Variants in ADK observed in about 807,000 individuals in gnomAD.
The protein encoded by ADK is N6,N6-dimethyladenosine kinase.
A neutral mutation model predicts 44.7 loss-of-function variants in ADK; 24 were observed. That is an observed-to-expected ratio of 0.54 (90% CI 0.39 to 0.76). The LOEUF is 0.76. ADK is among the 30% of genes least tolerant of loss of function. ADK has a pLI of 0.00. For synonymous variants in ADK, 128 were observed against 142.6 expected, an observed-to-expected ratio of 0.90 and a Z score of 0.73; for missense variants, 321 against 425.1, an observed-to-expected ratio of 0.76 and a Z score of 2.15.
At chr10:74,208,243 C>G (rs1194560459) in intron 2 of ADK, among the ~76,000 whole-genome samples, 1 of 152,262 alleles carries the variant, frequency 6.6e-6, no homozygotes, top group African/African-American at 2.4e-5. Flanking sequence ...TGCAGCTGCA[C>G]TCAGGAGGGT....
chr10:74,528,149 A>T lies in ADK; in HGVS notation c.726+2723A>T, dbSNP rs192292281. 1.4e-4 allele frequency: 144 copies of T among 1,033,498 alleles called. No individual in the cohort carries two copies. In the African/African-American group the frequency reaches 2.2e-3, roughly 16 times the overall value. 64.0% of individuals were successfully genotyped at this position (1,033,498 alleles called of 1,614,324 possible). On this transcript the variant is annotated intron_variant, in intron 7 of 10. Transcript: ENST00000539909. ...TGATCGAACAAACCTGAAAGTATAG[A>T]TCAGAAGTTTCACTTGTTTCTCAGT...
intron 7 of ADK, among the ~76,000 whole-genome samples, chr10:74,573,562 C>A (rs1308667539): frequency 6.6e-6 from 1 of 152,200 alleles, no homozygotes; most frequent in Non-Finnish European, 1.5e-5. Context: ...TTTAAGTCTG[C>A]AGAGGTTACT....
intron 6 of ADK, among the ~76,000 whole-genome samples, chr10:74,458,299 GTTTTTTT>G (rs376118678): frequency 2.7e-4 from 21 of 79,052 alleles, no homozygotes; most frequent in Non-Finnish European, 4.8e-4. Context: ...CCCAGGTTTT[GTTTTTTT>G]TTTTTTTTTT....
intron 6 of ADK, among the ~76,000 whole-genome samples, chr10:74,410,546 G>A (rs1031858391): frequency 5.9e-5 from 9 of 152,052 alleles, no homozygotes; most frequent in African/African-American, 1.9e-4. Context: ...GCCAATCATG[G>A]TGGTGCATTC....
chr10:74,653,176 G>A (rs1854334951), intron 9 of ADK, among the ~76,000 whole-genome samples: 1 of 152,170 alleles, frequency 6.6e-6, no homozygotes, highest in Non-Finnish European at 1.5e-5. Context: ...CGAGGGCTGA[G>A]TGCGGTGGCT....
intron 1 of ADK, among the ~76,000 whole-genome samples, chr10:74,180,705 G>T (rs978868214): frequency 6.6e-6 from 1 of 152,050 alleles, no homozygotes; most frequent in Non-Finnish European, 1.5e-5. Context: ...TGATCTGCCC[G>T]CCTCAGCCTC....
At chr10:74,475,786 G>A (rs1846812874) in intron 6 of ADK, among the ~76,000 whole-genome samples, 1 of 138,262 alleles carries the variant, frequency 7.2e-6, no homozygotes, top group African/African-American at 2.6e-5. Flanking sequence ...GGGAGAAAGA[G>A]AAAGAAAAGA....
chr10:74,453,946 G>A lies in ADK; in HGVS notation c.555+55367G>A, dbSNP rs542468296. Among the ~76,000 whole-genome samples, 172 of 152,234 alleles carry A rather than the reference G, an allele frequency of 1.1e-3. 3 individuals carry two copies. In the South Asian group the frequency reaches 0.035, roughly 31 times the overall value. On this transcript the variant is annotated intron_variant, in intron 6 of 10. Transcript: ENST00000539909. ...CACATAGTGTAAACTTTGTGTATAT[G>A]AGACAGAACTTTTTCTAAATTGCAG... is the stretch of plus-strand genomic sequence containing the variant.
At chr10:74,383,432 C>T (rs1592132475) in intron 4 of ADK, among the ~76,000 whole-genome samples, 1 of 147,680 alleles carries the variant, frequency 6.8e-6, no homozygotes, top group South Asian at 2.3e-4. Flanking sequence ...CTCTCTTTCT[C>T]GGCCTCTCTG....
chr10:74,699,374 G>A (rs1856332044), intron 10 of ADK, among the ~76,000 whole-genome samples: 1 of 151,730 alleles, frequency 6.6e-6, no homozygotes, highest in East Asian at 1.9e-4. Context: ...TAAAATGCAG[G>A]GAACTTTTAA....
intron 7 of ADK, among the ~76,000 whole-genome samples, chr10:74,555,459 A>G (rs1460126757): frequency 1.3e-5 from 2 of 152,024 alleles, no homozygotes; most frequent in East Asian, 1.9e-4. Context: ...TAAGATTTCT[A>G]TCCTGGCCAG....
chr10:74,476,056 T>C (rs1846825165), intron 6 of ADK, among the ~76,000 whole-genome samples: 1 of 152,202 alleles, frequency 6.6e-6, no homozygotes, highest in East Asian at 1.9e-4. Context: ...TGGTATCTCT[T>C]ACTCTAATTC....
At chr10:74,544,483 T>C (rs1849755418) in intron 7 of ADK, among the ~76,000 whole-genome samples, 1 of 152,216 alleles carries the variant, frequency 6.6e-6, no homozygotes, top group Admixed American at 6.5e-5. Flanking sequence ...AGATTACTAT[T>C]TATAGAAACT....
At chr10:74,523,285 A>AC (rs1415699661) in intron 6 of ADK, among the ~76,000 whole-genome samples, 2 of 152,072 alleles carry the variant, frequency 1.3e-5, no homozygotes, top group African/African-American at 2.4e-5. Flanking sequence ...TTCTTACCTT[A>AC]CTTTCTCACC....
chr10:74,664,405 G>T (rs1004308324), intron 9 of ADK, among the ~76,000 whole-genome samples: 6 of 152,140 alleles, frequency 3.9e-5, no homozygotes, highest in Admixed American at 3.3e-4. Flanking sequence ...AACCAGATTG[G>T]GAAGTAGAAG....
At chr10:74,218,414 G>A (rs1451559513) in intron 2 of ADK, among the ~76,000 whole-genome samples, 1 of 152,168 alleles carries the variant, frequency 6.6e-6, no homozygotes, top group Non-Finnish European at 1.5e-5. Flanking sequence ...GAAAGTGACG[G>A]GGAGAATGGA....
At chr10:74,588,605 A>C (rs1253764746) in intron 7 of ADK, among the ~76,000 whole-genome samples, 1 of 152,200 alleles carries the variant, frequency 6.6e-6, no homozygotes, top group Non-Finnish European at 1.5e-5. Flanking sequence ...GATGGTGTGA[A>C]CTTCACACTG....
intron 9 of ADK, among the ~76,000 whole-genome samples, chr10:74,668,842 G>C (rs975645622): frequency 1.3e-5 from 2 of 152,112 alleles, no homozygotes; most frequent in African/African-American, 4.8e-5. Flanking sequence ...AAACCAGCTT[G>C]GGCAACAAAG....
At chr10:74,605,476 G>C (rs912121797) in intron 9 of ADK, among the ~76,000 whole-genome samples, 1 of 152,088 alleles carries the variant, frequency 6.6e-6, no homozygotes, top group Non-Finnish European at 1.5e-5. Context: ...TTTATCGAAG[G>C]CCTTTTCTGC....
Sources: allele counts gnomAD v4.1 joint callset (sites outside exome capture counted in the v4.1 genomes callset), GRCh38; gene constraint gnomAD v4.1.1; transcripts MANE v1.5; gene names NCBI Gene and HGNC (gene_info 2026-07-23, HGNC 2026-07-21).